The following MYO3B variants were observed in gnomAD, a reference collection of about 807,000 sequenced individuals.
MYO3B encodes myosin-IIIb.
Under a neutral mutation model 174.6 loss-of-function variants are expected in MYO3B, and 156 were observed. The ratio of observed to expected loss-of-function variants is 0.89; its 90% confidence interval spans 0.78 to 1.02. MYO3B has a LOEUF of 1.02. Ranked by LOEUF, MYO3B falls within the 50% of genes least tolerant of loss-of-function variation. The pLI, the probability that MYO3B is intolerant of heterozygous loss-of-function variation, is 0.00. For synonymous variants in MYO3B, 563 were observed against 569.1 expected (o/e 0.99, Z 0.15); for missense variants, 1,632 against 1,639.4 (o/e 1.00, Z 0.08).
intron 8 of MYO3B, among the ~76,000 whole-genome samples, chr2:170,339,645 AAG>A (rs2093965628): frequency 6.6e-6 from 1 of 152,196 alleles, no homozygotes; most frequent in East Asian, 1.9e-4. Context: ...TAGAGATAGT[AAG>A]AGAGATTTTT....
chr2:170,576,881 G>A (rs1559130458), intron 32 of MYO3B, among the ~76,000 whole-genome samples: 1 of 152,126 alleles, frequency 6.6e-6, no homozygotes. Flanking sequence ...ATTTCTGCTT[G>A]CTGTAGTTTT....
At chr2:170,336,333 T>A (rs1421928364) in intron 8 of MYO3B, among the ~76,000 whole-genome samples, 1 of 151,588 alleles carries the variant, frequency 6.6e-6, no homozygotes, top group African/African-American at 2.4e-5. Flanking sequence ...AAATAAGAAG[T>A]GGGGAAGGGT....
chr2:170,235,845 C>A, intron 6 of MYO3B, 146 bp from the exon 7 acceptor site: 1 of 892,424 alleles, frequency 1.1e-6, no homozygotes. Flanking sequence ...ACAAATAAGG[C>A]CTAGAATGCA....
chr2:170,307,932 T>C (rs1045430283), intron 7 of MYO3B, among the ~76,000 whole-genome samples: 3 of 152,172 alleles, frequency 2.0e-5, no homozygotes, highest in African/African-American at 7.2e-5. Flanking sequence ...TTCAGTCTGG[T>C]CCAGAGTCGA....
intron 3 of MYO3B, among the ~76,000 whole-genome samples, chr2:170,212,737 G>A (rs763880172): frequency 7.2e-5 from 11 of 152,200 alleles, no homozygotes; most frequent in Non-Finnish European, 1.5e-4. Context: ...AAAGAGAGCA[G>A]GCTACTTCCC....
intron 7 of MYO3B, among the ~76,000 whole-genome samples, chr2:170,303,651 A>G (rs1389118558): frequency 6.6e-6 from 1 of 152,074 alleles, no homozygotes; most frequent in African/African-American, 2.4e-5. Flanking sequence ...AAAAACTAAT[A>G]GATCTTTGTT....
At chr2:170,477,304 C>G (rs1475857446) in intron 25 of MYO3B, among the ~76,000 whole-genome samples, 1 of 152,154 alleles carries the variant, frequency 6.6e-6, no homozygotes, top group Admixed American at 6.5e-5. Flanking sequence ...GCTGCCTGGA[C>G]TCTGCCAAAC....
rs142112534 is a variant in MYO3B, at chr2:170,519,809, C to T, written c.3575+269C>T. ...CCCACATGGCAAAACCCCGCCTCTACTAAAAATACAAAAATGAGCTGGCCA... is the reference window on the plus strand; with the variant it reads ...CCCACATGGCAAAACCCCGCCTCTATTAAAAATACAAAAATGAGCTGGCCA... On this transcript the variant is annotated intron_variant, in intron 30 of 34. Transcript: ENST00000408978. 947 of 300,502 alleles carry T rather than the reference C, an allele frequency of 3.2e-3. 12 individuals carry two copies. The highest frequency in any genetic ancestry group is 0.019 in the African/African-American group (866 of 45,024). The allele number at this position is 300,502 out of a possible 1,614,324, so 18.6% of individuals were successfully genotyped here.
At chr2:170,212,737 G>C (rs763880172) in intron 3 of MYO3B, among the ~76,000 whole-genome samples, 1 of 152,200 alleles carries the variant, frequency 6.6e-6, no homozygotes, top group Non-Finnish European at 1.5e-5. Flanking sequence ...AAAGAGAGCA[G>C]GCTACTTCCC....
chr2:170,412,652 T>A (rs2094553149), intron 22 of MYO3B, among the ~76,000 whole-genome samples: 1 of 152,228 alleles, frequency 6.6e-6, no homozygotes, highest in African/African-American at 2.4e-5. Flanking sequence ...CGAGTCCTGA[T>A]TCTGTAATGC....
chr2:170,618,685 T>A (rs948132145), intron 32 of MYO3B, among the ~76,000 whole-genome samples: 2 of 152,114 alleles, frequency 1.3e-5, no homozygotes, highest in South Asian at 2.1e-4. Context: ...CCAACAATGC[T>A]CTGGATATAC....
rs576596703 is a variant in MYO3B, at chr2:170,467,894, G to T, written c.3014+1183G>T. Among the ~76,000 whole-genome samples the T allele has an allele frequency of 4.6e-4, 67 of 145,804 alleles. No individual in the cohort carries two copies. The East Asian group carries it at 0.013, about 28-fold the overall frequency. Reference sequence around the variant, plus strand: ...AGGAAATGGCTTTTTTTTTTTAAGTGTCTTTGAGCTCCTTTTTTCCTCTTA... The same window carrying T: ...AGGAAATGGCTTTTTTTTTTTAAGTTTCTTTGAGCTCCTTTTTTCCTCTTA... On this transcript the variant is annotated intron_variant, in intron 25 of 34. Coordinates refer to ENST00000408978, the MANE Select transcript of MYO3B (RefSeq NM_138995.5).
intron 7 of MYO3B, among the ~76,000 whole-genome samples, chr2:170,268,957 T>TG (rs1372275090): frequency 6.6e-6 from 1 of 152,104 alleles, no homozygotes; most frequent in East Asian, 1.9e-4. Context: ...AATAAAACAA[T>TG]GGGACATTGC....
chr2:170,263,063 G>A (rs1463267014), intron 7 of MYO3B, among the ~76,000 whole-genome samples: 5 of 152,196 alleles, frequency 3.3e-5, no homozygotes, highest in Non-Finnish European at 7.3e-5. Context: ...GAGCGACTAA[G>A]CAGCAGGAGA....
At chr2:170,450,999 T>A (rs193104142) in intron 23 of MYO3B, among the ~76,000 whole-genome samples, 1 of 152,346 alleles carries the variant, frequency 6.6e-6, no homozygotes, top group Non-Finnish European at 1.5e-5. Context: ...CTAACTTGCT[T>A]AAACCTTCAA....
chr2:170,615,401 G>C (rs1262141072), intron 32 of MYO3B, among the ~76,000 whole-genome samples: 2 of 152,228 alleles, frequency 1.3e-5, no homozygotes, highest in Non-Finnish European at 2.9e-5. Context: ...GGGTGTGCTA[G>C]AGGCACAAAG....
chr2:170,181,086 C>T (rs540914483), intron 1 of MYO3B, among the ~76,000 whole-genome samples: 4 of 152,008 alleles, frequency 2.6e-5, no homozygotes, highest in Admixed American at 6.6e-5. Flanking sequence ...AGTGAACAAT[C>T]TTGTATGTCT....
intron 32 of MYO3B, among the ~76,000 whole-genome samples, chr2:170,568,370 T>C (rs1021713848): frequency 6.6e-5 from 10 of 152,266 alleles, no homozygotes; most frequent in African/African-American, 2.4e-4. Context: ...GCTTTTCTGC[T>C]TCTTCTGCCT....
At chr2:170,209,471 A>G (rs1314278414) in intron 3 of MYO3B, among the ~76,000 whole-genome samples, 2 of 152,212 alleles carry the variant, frequency 1.3e-5, no homozygotes, top group African/African-American at 4.8e-5. Flanking sequence ...TTTGATATTC[A>G]TGAACATTTC....
Sources: gnomAD v4.1 joint callset for allele counts (sites outside exome capture counted in the v4.1 genomes callset) on GRCh38, gnomAD v4.1.1 for gene constraint, MANE v1.5 for transcripts, NCBI Gene and HGNC (gene_info 2026-07-23, HGNC 2026-07-21) for gene names.